The following DPP6 variants were observed in gnomAD, a reference collection of about 807,000 sequenced individuals.
DPP6 encodes the protein dipeptidyl peptidase like 6.
Under a neutral mutation model 122.6 loss-of-function variants are expected in DPP6, and 69 were observed. The observed-to-expected ratio is 0.56, with a 90% confidence interval of 0.46 to 0.69. DPP6 has a LOEUF of 0.69. Among genes scored for constraint, DPP6 ranks in the 30% least tolerant of loss-of-function variants. DPP6 has a pLI of 0.00. For synonymous variants in DPP6, 418 were observed against 433.1 expected, an observed-to-expected ratio of 0.97 and a Z score of 0.43; for missense variants, 928 against 1,116.9, an observed-to-expected ratio of 0.83 and a Z score of 2.41.
intron 1 of DPP6, among the ~76,000 whole-genome samples, chr7:153,929,952 A>C (rs1801098038): frequency 6.6e-6 from 1 of 152,240 alleles, no homozygotes; most frequent in African/African-American, 2.4e-5. Flanking sequence ...AGCATGATGC[A>C]GATGGCTATT....
At chr7:154,598,334 G>C (rs1833225807) in intron 5 of DPP6, among the ~76,000 whole-genome samples, 1 of 152,186 alleles carries the variant, frequency 6.6e-6, no homozygotes, top group African/African-American at 2.4e-5. Context: ...ATTACTGTTT[G>C]AAACAGTCTA....
At chr7:153,897,474 G>A (rs117073345) in intron 1 of DPP6, among the ~76,000 whole-genome samples, 3,039 of 152,156 alleles carry the variant, frequency 0.02, 59 homozygotes, top group Non-Finnish European at 0.026. Flanking sequence ...TCTTAAGTTC[G>A]GAAGATACAT....
intron 10 of DPP6, among the ~76,000 whole-genome samples, chr7:154,777,837 C>A (rs558847816): frequency 6.6e-6 from 1 of 152,240 alleles, no homozygotes; most frequent in Non-Finnish European, 1.5e-5. Context: ...GCTGTGGGGG[C>A]TCACTCCTCC....
At chr7:153,784,945 T>A in the DPP6 span, among the ~76,000 whole-genome samples, 3 of 152,266 alleles carry the variant, frequency 2.0e-5, no homozygotes, top group African/African-American at 7.2e-5. Flanking sequence ...AGCATTTAGC[T>A]AATTCCCAAT....
At chr7:154,511,702 G>A (rs939851149) in intron 3 of DPP6, among the ~76,000 whole-genome samples, 4 of 152,110 alleles carry the variant, frequency 2.6e-5, no homozygotes, top group Admixed American at 1.3e-4. Context: ...CCTGTAAAGC[G>A]GTTTGCATCC....
chr7:154,660,353 T>C (rs537684558), intron 6 of DPP6, among the ~76,000 whole-genome samples: 2 of 149,504 alleles, frequency 1.3e-5, no homozygotes, highest in East Asian at 3.9e-4. Flanking sequence ...CCATGGCGTA[T>C]TGGCCGTAGT....
At chr7:154,128,701 T>A (rs1160092163) in intron 1 of DPP6, among the ~76,000 whole-genome samples, 2 of 150,536 alleles carry the variant, frequency 1.3e-5, no homozygotes, top group Non-Finnish European at 3.0e-5. Flanking sequence ...AGACTATTTT[T>A]AAAAAATACA....
chr7:154,698,241 T>C (rs1404888322), intron 7 of DPP6, among the ~76,000 whole-genome samples: 4 of 152,216 alleles, frequency 2.6e-5, no homozygotes, highest in African/African-American at 4.8e-5. Flanking sequence ...TAGTATTTCA[T>C]TGAGTCGATC....
chr7:154,243,929 A>G (rs1201475828), intron 1 of DPP6, among the ~76,000 whole-genome samples: 1 of 152,216 alleles, frequency 6.6e-6, no homozygotes, highest in Non-Finnish European at 1.5e-5. Flanking sequence ...GCAGGACAGC[A>G]TCCATGTGGT....
the DPP6 span, among the ~76,000 whole-genome samples, chr7:153,800,413 G>A: frequency 6.6e-6 from 1 of 152,148 alleles, no homozygotes; most frequent in Non-Finnish European, 1.5e-5. Context: ...GGTTACAGAC[G>A]CTGGGAATGG....
At chr7:154,010,657 T>C (rs1328245751) in intron 1 of DPP6, among the ~76,000 whole-genome samples, 1 of 152,250 alleles carries the variant, frequency 6.6e-6, no homozygotes, top group South Asian at 2.1e-4. Context: ...GTTCCCTTTT[T>C]AATTTATTTA....
intron 1 of DPP6, among the ~76,000 whole-genome samples, chr7:154,396,138 T>G (rs534433370): frequency 6.6e-6 from 1 of 152,316 alleles, no homozygotes; most frequent in South Asian, 2.1e-4. Context: ...CAAATAAAAA[T>G]TATAACAATG....
At chr7:154,739,733 T>A (rs1842731655) in intron 8 of DPP6, among the ~76,000 whole-genome samples, 1 of 152,184 alleles carries the variant, frequency 6.6e-6, no homozygotes, top group Non-Finnish European at 1.5e-5. Context: ...ATAAGGCACC[T>A]TGCAATAAGC....
intron 3 of DPP6, among the ~76,000 whole-genome samples, chr7:154,514,756 G>C (rs1388016144): frequency 1.3e-5 from 2 of 152,064 alleles, no homozygotes; most frequent in African/African-American, 4.8e-5. Context: ...CCATTATATA[G>C]ACAGACAACA....
intron 18 of DPP6, among the ~76,000 whole-genome samples, chr7:154,869,873 C>T (rs537247441): frequency 7.4e-4 from 107 of 144,366 alleles, no homozygotes; most frequent in African/African-American, 2.8e-3. Flanking sequence ...CCAACACACT[C>T]ACATGTCCAA....
Position 154,605,732 on chromosome 7 carries a change from C to G in DPP6, c.628-32089C>G, listed in dbSNP as rs1833566358. Among the ~76,000 whole-genome samples the G allele has an allele frequency of 1.7e-5, 2 of 118,942 alleles. 1 individual carries two copies. The highest frequency in any genetic ancestry group is 6.9e-4 in the South Asian group (2 of 2,888). 78.0% of individuals were successfully genotyped at this position (118,942 alleles called of 152,430 possible). A position where few individuals can be genotyped will look rare whatever the true frequency, so the allele number is the denominator to read the frequency against. On this transcript the variant is annotated intron_variant, in intron 5 of 25. Transcript: ENST00000377770. ...ACCTACTCTTATTGATTGATTCCTT[C>G]TTTCTGCTATCTTTGCATTTAATCT...
intron 5 of DPP6, among the ~76,000 whole-genome samples, chr7:154,574,240 G>T (rs1333036208): frequency 6.8e-6 from 1 of 148,038 alleles, no homozygotes; most frequent in African/African-American, 2.5e-5. Flanking sequence ...GTGTGGTGTG[G>T]TGTGTATGTG....
At chr7:154,698,707 G>C (rs1840351877) in intron 7 of DPP6, among the ~76,000 whole-genome samples, 1 of 151,894 alleles carries the variant, frequency 6.6e-6, no homozygotes, top group Admixed American at 6.6e-5. Context: ...TTAATGTCTT[G>C]GTGTGTAAAT....
intron 2 of DPP6, among the ~76,000 whole-genome samples, chr7:154,464,788 C>T (rs1395385413): frequency 6.6e-6 from 1 of 152,104 alleles, no homozygotes; most frequent in African/African-American, 2.4e-5. Context: ...GTCCTTGTTA[C>T]AGACAAAATG....
Sources: gnomAD v4.1 joint callset for allele counts (sites outside exome capture counted in the v4.1 genomes callset) on GRCh38, gnomAD v4.1.1 for gene constraint, MANE v1.5 for transcripts, NCBI Gene and HGNC (gene_info 2026-07-23, HGNC 2026-07-21) for gene names.